DACH2: variants seen among roughly 807,000 people sequenced by gnomAD.
The protein encoded by DACH2 is dachshund family transcription factor 2.
Under a neutral mutation model 35.8 loss-of-function variants are expected in DACH2, and 17 were observed. That is an observed-to-expected ratio of 0.48 (90% CI 0.33 to 0.71). The LOEUF is 0.71. Ranked by LOEUF, DACH2 falls within the 30% of genes least tolerant of loss-of-function variation. The pLI, the probability that DACH2 is intolerant of heterozygous loss-of-function variation, is 0.02. For missense variants in DACH2, 469 were observed against 472.7 expected (o/e 0.99, Z 0.07); for synonymous variants, 195 against 177.3 (o/e 1.10, Z -0.79).
chrX:86,324,219 A>G (rs2035068203), intron 1 of DACH2, among the ~76,000 whole-genome samples: 2 of 111,952 alleles, frequency 1.8e-5, no homozygotes, highest in African/African-American at 6.5e-5. Context: ...CTATAACAGT[A>G]GAAAGAGCAA....
intron 2 of DACH2, among the ~76,000 whole-genome samples, chrX:86,415,705 T>G (rs1439209020): frequency 1.8e-5 from 2 of 112,086 alleles, no homozygotes; most frequent in African/African-American, 6.5e-5. Context: ...AAAAATGATT[T>G]GTACTCATCA....
At chrX:86,780,828 T>C (rs1602940525) in intron 7 of DACH2, among the ~76,000 whole-genome samples, 1 of 111,528 alleles carries the variant, frequency 9.0e-6, no homozygotes, top group African/African-American at 3.3e-5. Context: ...GGATCGCTCC[T>C]GAGGAGAATC....
chrX:86,483,956 C>G (rs780244624), intron 2 of DACH2, among the ~76,000 whole-genome samples: 1 of 111,434 alleles, frequency 9.0e-6, no homozygotes, highest in African/African-American at 3.3e-5. Context: ...TATTTTTGTG[C>G]GTGTATGTAT....
At chrX:86,358,293 T>C (rs759813080) in intron 1 of DACH2, among the ~76,000 whole-genome samples, 1 of 111,902 alleles carries the variant, frequency 8.9e-6, no homozygotes, top group South Asian at 3.7e-4. Context: ...TAGAGTTCTC[T>C]GAGTATATGT....
chrX:86,675,384 A>G (rs1207343816), intron 4 of DACH2, among the ~76,000 whole-genome samples: 1 of 111,911 alleles, frequency 8.9e-6, no homozygotes, highest in Non-Finnish European at 1.9e-5. Context: ...TATAATTGCA[A>G]CATAAAATTT....
At chrX:86,643,695 G>A (rs1166035693) in intron 3 of DACH2, among the ~76,000 whole-genome samples, 2 of 110,211 alleles carry the variant, frequency 1.8e-5, no homozygotes, top group Non-Finnish European at 3.8e-5. Flanking sequence ...GATGAATATT[G>A]ATGCAAAAAA....
At chrX:86,821,964 A>G (rs2042517248) in intron 11 of DACH2, among the ~76,000 whole-genome samples, 1 of 111,398 alleles carries the variant, frequency 9.0e-6, no homozygotes, top group Non-Finnish European at 1.9e-5. Context: ...TTTTACTATA[A>G]TCTAGGAAGG....
intron 4 of DACH2, among the ~76,000 whole-genome samples, chrX:86,667,584 GAAAGAAAGAAAGAAAGAAAGAAAGAAA>G (rs1569463715): frequency 2.0e-5 from 2 of 102,423 alleles, no homozygotes; most frequent in African/African-American, 3.9e-5. Flanking sequence ...AAGAAAGAAA[GAAAGAAAGAAAGAAAGAAAGAAAGAAA>G]GAAAGGCAGG....
chrX:86,533,623 G>T (rs1394335113), intron 3 of DACH2, among the ~76,000 whole-genome samples: 2 of 111,977 alleles, frequency 1.8e-5, no homozygotes, highest in Non-Finnish European at 3.8e-5. Context: ...AGTTAGTATA[G>T]CAGAGCATTA....
At chrX:86,283,752 G>A (rs998251042) in intron 1 of DACH2, among the ~76,000 whole-genome samples, 5 of 108,856 alleles carry the variant, frequency 4.6e-5, no homozygotes, top group Admixed American at 1.0e-4. Flanking sequence ...GTGGGGGATA[G>A]CATTAGGAGA....
At chrX:86,256,181 A>G (rs2147957128) in intron 1 of DACH2, among the ~76,000 whole-genome samples, 1 of 111,667 alleles carries the variant, frequency 9.0e-6, no homozygotes, top group East Asian at 2.8e-4. Context: ...TCTTTTAGGG[A>G]AACATATAGA....
intron 2 of DACH2, among the ~76,000 whole-genome samples, chrX:86,510,642 C>A (rs1231558350): frequency 9.0e-6 from 1 of 111,131 alleles, no homozygotes; most frequent in Non-Finnish European, 1.9e-5. Context: ...CTTTAAATAA[C>A]CTAGAAATAT....
intron 1 of DACH2, among the ~76,000 whole-genome samples, chrX:86,302,579 AG>A (rs2034594784): frequency 1.8e-5 from 2 of 111,484 alleles, no homozygotes; most frequent in Middle Eastern, 4.7e-3. Context: ...TTGGTACCCA[AG>A]TCAGAAAGTT....
At chrX:86,734,666 G>C (rs1162506340) in intron 6 of DACH2, among the ~76,000 whole-genome samples, 1 of 111,060 alleles carries the variant, frequency 9.0e-6, no homozygotes, top group Non-Finnish European at 1.9e-5. Context: ...TGCTTGAATT[G>C]GTTCATAAAG....
At chrX:86,626,348 C>T (rs2148383198) in intron 3 of DACH2, among the ~76,000 whole-genome samples, 1 of 112,797 alleles carries the variant, frequency 8.9e-6, no homozygotes, top group East Asian at 2.8e-4. Context: ...CCCTGTGGCT[C>T]ACAGGGTATA....
chrX:86,316,650 T>G (rs976266121), intron 1 of DACH2, among the ~76,000 whole-genome samples: 1 of 111,531 alleles, frequency 9.0e-6, no homozygotes, highest in Admixed American at 9.6e-5. Flanking sequence ...TTCAGGCTAC[T>G]TTCTGCTGGA....
chrX:86,455,199 G>A (rs1272942349), intron 2 of DACH2, among the ~76,000 whole-genome samples: 3 of 110,829 alleles, frequency 2.7e-5, no homozygotes, highest in Non-Finnish European at 5.7e-5. Context: ...CAGCCTGAAT[G>A]CACTTGTAGG....
intron 2 of DACH2, among the ~76,000 whole-genome samples, chrX:86,502,910 T>C (rs756940301): frequency 1.3e-4 from 15 of 111,719 alleles, no homozygotes; most frequent in Non-Finnish European, 2.4e-4. Flanking sequence ...ATTTTATGTG[T>C]AGCCCAAGTC....
intron 1 of DACH2, among the ~76,000 whole-genome samples, chrX:86,224,428 A>G (rs757590446): frequency 9.0e-5 from 10 of 111,651 alleles, no homozygotes; most frequent in African/African-American, 3.2e-4. Context: ...GTCCCTTATT[A>G]ATCACAAGCC....
Sources: gnomAD v4.1 joint callset for allele counts (sites outside exome capture counted in the v4.1 genomes callset) on GRCh38, gnomAD v4.1.1 for gene constraint, MANE v1.5 for transcripts, NCBI Gene and HGNC (gene_info 2026-07-23, HGNC 2026-07-21) for gene names.